Variants in PRMT3 observed in about 807,000 individuals in gnomAD.
The protein encoded by PRMT3 is protein arginine methyltransferase 3.
Under a neutral mutation model 71.9 loss-of-function variants are expected in PRMT3, and 62 were observed. That is an observed-to-expected ratio of 0.86 (90% confidence interval 0.70 to 1.07). The LOEUF is 1.07. Among genes scored for constraint, PRMT3 ranks in the 50% least tolerant of loss-of-function variants. The pLI is 0.00. For synonymous variants in PRMT3, 213 were observed against 220.4 expected (o/e 0.97, Z 0.30); for missense variants, 663 against 643.0 (o/e 1.03, Z -0.34).
At chr11:20,467,709 G>A (rs558919166) in intron 13 of PRMT3, among the ~76,000 whole-genome samples, 1 of 152,276 alleles carries the variant, frequency 6.6e-6, no homozygotes, top group East Asian at 1.9e-4. Flanking sequence ...GTAGATCTTT[G>A]AAGTTTTTCT....
intron 10 of PRMT3, among the ~76,000 whole-genome samples, chr11:20,451,176 GTAT>G: frequency 6.6e-6 from 1 of 152,112 alleles, no homozygotes; most frequent in Non-Finnish European, 1.5e-5. Context: ...CATTTGTACT[GTAT>G]TATTTACCCT....
chr11:20,418,849 T>G (rs570342681), intron 9 of PRMT3, among the ~76,000 whole-genome samples: 4 of 152,336 alleles, frequency 2.6e-5, no homozygotes, highest in African/African-American at 9.6e-5. Flanking sequence ...ACATGTTTAA[T>G]ATGCATAAGT....
intron 13 of PRMT3, among the ~76,000 whole-genome samples, chr11:20,471,835 A>G (rs562985696): frequency 1.3e-5 from 2 of 152,328 alleles, no homozygotes; most frequent in African/African-American, 4.8e-5. Context: ...ATCCCTTAGC[A>G]TGGAATGTTT....
chr11:20,433,864 C>T (rs1849707809), intron 10 of PRMT3, among the ~76,000 whole-genome samples: 1 of 152,122 alleles, frequency 6.6e-6, no homozygotes, highest in Admixed American at 6.5e-5. Flanking sequence ...AAGTGATCTG[C>T]CCACCTCGGC....
At chr11:20,393,170 C>T (rs1262258497) in intron 5 of PRMT3, among the ~76,000 whole-genome samples, 171 bp downstream of exon 5, 1 of 152,136 alleles carries the variant, frequency 6.6e-6, no homozygotes, top group African/African-American at 2.4e-5. Context: ...AATAGTCGGC[C>T]AGGTGTGGCG....
intron 13 of PRMT3, among the ~76,000 whole-genome samples, chr11:20,479,432 C>T (rs1161212614): frequency 6.6e-6 from 1 of 152,238 alleles, no homozygotes; most frequent in Non-Finnish European, 1.5e-5. Context: ...AAAAAATATT[C>T]ACCCTATGGA....
At chr11:20,424,582 AG>A (rs1303620469) in intron 9 of PRMT3, among the ~76,000 whole-genome samples, 4 of 150,076 alleles carry the variant, frequency 2.7e-5, no homozygotes, top group African/African-American at 4.8e-5. Flanking sequence ...AAAACATTTT[AG>A]GAGAAAACAT....
At chr11:20,476,662 T>G (rs1850794298) in intron 13 of PRMT3, among the ~76,000 whole-genome samples, 1 of 152,308 alleles carries the variant, frequency 6.6e-6, no homozygotes, top group African/African-American at 2.4e-5. Flanking sequence ...TCATTATTTC[T>G]TTTTTACATT....
chr11:20,413,519 G>A (rs764338569), intron 9 of PRMT3, among the ~76,000 whole-genome samples: 19 of 152,126 alleles, frequency 1.2e-4, no homozygotes, highest in Non-Finnish European at 2.8e-4. Flanking sequence ...TTTGCAAAAT[G>A]GCTGGCCCTG....
chr11:20,421,776 G>A (rs1424445784), intron 9 of PRMT3, among the ~76,000 whole-genome samples: 2 of 151,724 alleles, frequency 1.3e-5, no homozygotes, highest in Non-Finnish European at 2.9e-5. Context: ...ACATCATGTG[G>A]GCCCCGTGCT....
intron 11 of PRMT3, among the ~76,000 whole-genome samples, chr11:20,460,284 C>T (rs1302239389): frequency 1.3e-5 from 2 of 152,080 alleles, no homozygotes; most frequent in African/African-American, 4.8e-5. Context: ...TTCTTTGGTA[C>T]ATTTATACTT....
chr11:20,405,510 A>T (rs1849050639), intron 8 of PRMT3: 1 of 152,164 alleles, frequency 6.6e-6, no homozygotes, highest in African/African-American at 2.4e-5. Context: ...CCTGTGTTTG[A>T]ATGCAGGCCC....
chr11:20,507,869 G>C (rs1365486644), intron 15 of PRMT3, among the ~76,000 whole-genome samples: 1 of 151,970 alleles, frequency 6.6e-6, no homozygotes, highest in Middle Eastern at 3.2e-3. Context: ...CACTTTGGGA[G>C]GCTGAGGCGG....
In PRMT3 at chr11:20,395,843, A is replaced by G. The variant is rs1005440600; in HGVS notation, c.441A>G (p.Ser147=). The G allele has an allele frequency of 1.2e-6, 2 of 1,613,352 alleles. No homozygotes were observed. The highest frequency in any genetic ancestry group is 2.7e-5 in the African/African-American group (2 of 75,024). ...ATGAACCGGTGTCAGTACCCTTCTC[A>G]TACCCCAATGGACTCAGTGAAAATA... is the stretch of plus-strand genomic sequence containing the variant. ...DLYEPVSVPF[S]YPNGLSENTS... The change falls in exon 6 of 16, where the codon TCA becomes TCG. Residue 147 remains serine (S), a synonymous_variant. Coordinates refer to ENST00000331079, the MANE Select transcript of PRMT3 (RefSeq NM_005788.4).
intron 10 of PRMT3, among the ~76,000 whole-genome samples, chr11:20,442,977 G>A (rs551173107): frequency 1.3e-5 from 2 of 152,236 alleles, no homozygotes; most frequent in South Asian, 2.1e-4. Flanking sequence ...CAGGAAGATT[G>A]CTTGAGGCCA....
intron 15 of PRMT3, among the ~76,000 whole-genome samples, chr11:20,496,482 A>G (rs1349992593): frequency 1.3e-5 from 2 of 152,140 alleles, no homozygotes; most frequent in East Asian, 3.9e-4. Flanking sequence ...GAGTCTGACA[A>G]GATACCATTT....
intron 9 of PRMT3, among the ~76,000 whole-genome samples, chr11:20,415,038 G>A (rs61876932): frequency 8.4e-4 from 95 of 113,198 alleles, no homozygotes; most frequent in Non-Finnish European, 1.5e-3. Flanking sequence ...GTGTGTGTGT[G>A]TGTGTGTGTG....
At chr11:20,462,364 T>G (rs1850405725) in intron 12 of PRMT3, among the ~76,000 whole-genome samples, 197 bp downstream of exon 12, 1 of 152,162 alleles carries the variant, frequency 6.6e-6, no homozygotes, top group African/African-American at 2.4e-5. Flanking sequence ...CTCTGTATAT[T>G]AAAACTCCTT....
chr11:20,474,847 A>T (rs965729114), intron 13 of PRMT3, among the ~76,000 whole-genome samples: 59 of 152,214 alleles, frequency 3.9e-4, no homozygotes, highest in African/African-American at 1.2e-3. Context: ...TATGTCTTTT[A>T]TGCAGCTTGT....
Sources: allele counts gnomAD v4.1 joint callset (sites outside exome capture counted in the v4.1 genomes callset), GRCh38; gene constraint gnomAD v4.1.1; transcripts MANE v1.5; gene names NCBI Gene and HGNC (gene_info 2026-07-23, HGNC 2026-07-21).